Variants in FANCD2OS observed in about 807,000 individuals in gnomAD.
FANCD2OS encodes the protein FANCD2 opposite strand protein.
Under a neutral mutation model 13.2 loss-of-function variants are expected in FANCD2OS, and 11 were observed. The observed-to-expected ratio is 0.83, with a 90% confidence interval of 0.52 to 1.38. The LOEUF is 1.38. Ranked by LOEUF, FANCD2OS falls within the 40% of genes most tolerant of loss-of-function variation. FANCD2OS has a pLI of 0.00. For missense variants in FANCD2OS, 217 were observed against 213.9 expected (o/e 1.01, Z -0.09); for synonymous variants, 69 against 84.5 (o/e 0.82, Z 1.01).
At chr3:10,088,601 G>A in intron 2 of FANCD2OS, 1 of 1,259,602 alleles carries the variant, frequency 7.9e-7, no homozygotes, top group African/African-American at 1.5e-5. Flanking sequence ...TGCTACTGTT[G>A]TTTGTCAGAG....
intron 1 of FANCD2OS, among the ~76,000 whole-genome samples, chr3:10,105,494 T>TA (rs1695444152): frequency 6.6e-6 from 1 of 151,882 alleles, no homozygotes. Context: ...CTCATGCCTA[T>TA]AATCCCAGCA....
intron 2 of FANCD2OS, among the ~76,000 whole-genome samples, chr3:10,091,819 G>T (rs569815961): frequency 1.6e-4 from 25 of 152,336 alleles, no homozygotes; most frequent in Non-Finnish European, 1.2e-4. Context: ...CTACCACCGG[G>T]TGCAGTGGCG....
At chr3:10,081,352 G>A (rs2125059935) in exon 3 of FANCD2OS, 1 of 1,613,748 alleles carries the variant, frequency 6.2e-7, no homozygotes, top group Non-Finnish European at 8.5e-7. Context: ...TTAGTGTTTA[G>A]CTGCTGAGAA....
chr3:10,105,803 TATATATATATATATATA>T, intron 1 of FANCD2OS, among the ~76,000 whole-genome samples: 1 of 75,196 alleles, frequency 1.3e-5, no homozygotes, highest in African/African-American at 7.3e-5. Context: ...TATATATATA[TATATATATATATATATA>T]TTTTGAGGTT....
intron 2 of FANCD2OS, among the ~76,000 whole-genome samples, chr3:10,091,910 T>C (rs980981950): frequency 2.0e-5 from 3 of 152,170 alleles, no homozygotes; most frequent in African/African-American, 7.2e-5. Context: ...CTGGCCAACA[T>C]GGTCAGTATA....
At chr3:10,085,052 T>G (rs567564558) in intron 2 of FANCD2OS, among the ~76,000 whole-genome samples, 1 of 152,180 alleles carries the variant, frequency 6.6e-6, no homozygotes, top group Non-Finnish European at 1.5e-5. Context: ...AAGATAGAAA[T>G]GTCAAGACTT....
downstream of FANCD2OS, chr3:10,099,178 T>C: frequency 7.1e-7 from 1 of 1,414,726 alleles, no homozygotes; most frequent in Non-Finnish European, 9.2e-7. Context: ...TAAACACATT[T>C]GAAACATACA....
At chr3:10,097,401 G>T (rs141097910) in intron 2 of FANCD2OS, among the ~76,000 whole-genome samples, 4 of 152,152 alleles carry the variant, frequency 2.6e-5, no homozygotes, top group Admixed American at 2.6e-4. Context: ...GTACACCCGG[G>T]GGGGCCCAGT....
At chr3:10,098,443 C>T (rs1010851897), downstream of FANCD2OS, among the ~76,000 whole-genome samples, 1 of 152,130 alleles carries the variant, frequency 6.6e-6, no homozygotes, top group African/African-American at 2.4e-5. Flanking sequence ...CTTAGAGTCA[C>T]CAATACAGTC....
chr3:10,104,555 A>C lies in FANCD2OS; in HGVS notation c.220T>G (p.Cys74Gly). Residue 74 changes from cysteine to glycine, a missense_variant, in exon 2 of 2, where the codon TGC becomes GGC. By Grantham distance (159) the Cys-to-Gly change is radical. Coordinates refer to ENST00000450660, the MANE Select transcript of FANCD2OS (RefSeq NM_001164839.2). Reference protein sequence around the residue: ...LESGVSPKLPCHTSELRTMNN... With the variant: ...LESGVSPKLPGHTSELRTMNN... ...ATCGTGCGCAACTCTGATGTGTGGC[A>C]GGGTAACTTGGGACTCACTCCAGAT... The C allele has an allele frequency of 6.2e-7, 1 of 1,614,190 alleles. No homozygotes were observed. Among genetic ancestry groups the C allele is most frequent in the South Asian group, 1.1e-5 (1 of 91,086 alleles).
intron 2 of FANCD2OS, among the ~76,000 whole-genome samples, chr3:10,092,443 G>C (rs993464248): frequency 1.6e-5 from 2 of 127,458 alleles, no homozygotes; most frequent in African/African-American, 3.2e-5. Context: ...TTTTTTTTTT[G>C]TCTTTTCCTT....
intron 2 of FANCD2OS, among the ~76,000 whole-genome samples, chr3:10,085,059 A>T (rs1432578793): frequency 4.6e-5 from 7 of 152,196 alleles, no homozygotes; most frequent in Non-Finnish European, 8.8e-5. Context: ...AAATGTCAAG[A>T]CTTGACTCAT....
chr3:10,087,033 G>A (rs900275078), intron 2 of FANCD2OS: 34 of 1,304,954 alleles, frequency 2.6e-5, no homozygotes, highest in Middle Eastern at 1.8e-4. Context: ...TGATTAGGCC[G>A]TCAAACACTG....
chr3:10,099,901 G>T (rs993187653), downstream of FANCD2OS, among the ~76,000 whole-genome samples: 6 of 151,936 alleles, frequency 3.9e-5, no homozygotes, highest in African/African-American at 1.5e-4. Context: ...AGATCATTTA[G>T]TATGAAAAGT....
Position 10,104,475 on chromosome 3 carries a change from A to G in FANCD2OS, c.300T>C (p.Asp100=), listed in dbSNP as rs768106509. ...CTGTGATAACCCTGCCAAAGACAGAATCTACTCCACTGAGGCGGATGGGCT... is the reference window on the plus strand; with the variant it reads ...CTGTGATAACCCTGCCAAAGACAGAGTCTACTCCACTGAGGCGGATGGGCT... ...KPQPIRLSGV[D]SVFGRVITAQ... Residue 100 remains aspartate, a synonymous_variant, in exon 2 of 2, where the codon GAT becomes GAC. Transcript: ENST00000450660. 5 of 1,614,062 alleles carry G rather than the reference A, an allele frequency of 3.1e-6. No individual in the cohort carries two copies. In the South Asian group the frequency reaches 4.4e-5, roughly 14 times the overall value.
At chr3:10,091,817 G>A (rs1453123900) in intron 2 of FANCD2OS, among the ~76,000 whole-genome samples, 6 of 152,166 alleles carry the variant, frequency 3.9e-5, no homozygotes, top group East Asian at 3.9e-4. Flanking sequence ...AACTACCACC[G>A]GGTGCAGTGG....
At chr3:10,088,948 C>G in intron 2 of FANCD2OS, 1 of 1,614,022 alleles carries the variant, frequency 6.2e-7, no homozygotes, top group East Asian at 2.2e-5. Flanking sequence ...CTACACTGAC[C>G]AGGTAAGGGA....
chr3:10,095,125 T>G, intron 2 of FANCD2OS: 1 of 1,273,370 alleles, frequency 7.9e-7, no homozygotes, highest in Non-Finnish European at 1.1e-6. Context: ...TTGGAGCTTT[T>G]GATTGCAAGG....
chr3:10,104,091 T>C lies in FANCD2OS; in HGVS notation c.*150A>G, dbSNP rs1695400537. ...TGGTCCTTTTTTGGAGGGGAAGGGATGAAAGGGGCTCCTGAATCATCACTG... is the reference window on the plus strand; with the variant it reads ...TGGTCCTTTTTTGGAGGGGAAGGGACGAAAGGGGCTCCTGAATCATCACTG... On this transcript the variant is annotated 3_prime_UTR_variant, in exon 2 of 2. Transcript: ENST00000450660. 1.5e-6 allele frequency: 1 copy of C among 683,696 alleles called. No homozygotes were observed. Among genetic ancestry groups the C allele is most frequent in the Non-Finnish European group, 2.4e-6 (1 of 418,536 alleles). 42.4% of individuals were successfully genotyped at this position (683,696 alleles called of 1,614,324 possible). A position where few individuals can be genotyped will look rare whatever the true frequency, so the allele number is the denominator to read the frequency against.
Sources: gnomAD v4.1 joint callset for allele counts (sites outside exome capture counted in the v4.1 genomes callset) on GRCh38, gnomAD v4.1.1 for gene constraint, MANE v1.5 for transcripts, NCBI Gene and HGNC (gene_info 2026-07-23, HGNC 2026-07-21) for gene names.